MTHFD1L: variants seen among roughly 807,000 people sequenced by gnomAD.
MTHFD1L encodes the protein methylenetetrahydrofolate dehydrogenase (NADP+ dependent) 1 like, also known as monofunctional C1-tetrahydrofolate synthase, mitochondrial.
MTHFD1L carries 81 observed loss-of-function variants against 119.5 expected under a neutral mutation model. The ratio of observed to expected loss-of-function variants is 0.68; its 90% confidence interval spans 0.57 to 0.82. The LOEUF is 0.82. Ranked by LOEUF, MTHFD1L falls within the 40% of genes least tolerant of loss-of-function variation. The probability of loss-of-function intolerance (pLI) is 0.00; values close to 1 mark genes in which losing one functional copy is unlikely to be tolerated. For missense variants in MTHFD1L, 1,125 were observed against 1,253.4 expected (o/e 0.90, Z 1.55); for synonymous variants, 430 against 475.2 (o/e 0.90, Z 1.24).
chr6:151,071,701 C>T (rs953763241), intron 26 of MTHFD1L, among the ~76,000 whole-genome samples: 1 of 152,106 alleles, frequency 6.6e-6, no homozygotes, highest in East Asian at 1.9e-4. Context: ...CTAAAGAATC[C>T]TCTTTTTTTA....
In MTHFD1L at chr6:151,028,669, C is replaced by T. The variant is rs1784912086; in HGVS notation, c.2587-5824C>T. On this transcript the variant is annotated intron_variant, in intron 24 of 27. Coordinates refer to ENST00000367321, the MANE Select transcript of MTHFD1L (RefSeq NM_015440.5). Reference sequence around the variant, plus strand: ...CCAAGGGGAGGGGCATGGAAAGTTGCTGCTTAATGGGTACAGTTTCAGTTT... The same window carrying T: ...CCAAGGGGAGGGGCATGGAAAGTTGTTGCTTAATGGGTACAGTTTCAGTTT... Among the ~76,000 whole-genome samples, 3 of 152,138 alleles carry T rather than the reference C, an allele frequency of 2.0e-5. No individual in the cohort carries two copies. In the East Asian group the frequency reaches 5.8e-4, roughly 29 times the overall value.
At chr6:151,004,635 T>C (rs1326638613) in intron 20 of MTHFD1L, among the ~76,000 whole-genome samples, 1 of 152,236 alleles carries the variant, frequency 6.6e-6, no homozygotes, top group Non-Finnish European at 1.5e-5. Flanking sequence ...CTCTGTTTCC[T>C]GTACAGGTTG....
chr6:151,035,585 C>T (rs1043293102), intron 25 of MTHFD1L, among the ~76,000 whole-genome samples: 9 of 152,266 alleles, frequency 5.9e-5, no homozygotes, highest in Non-Finnish European at 1.2e-4. Context: ...CCAAGCACTG[C>T]TCTGTGCACA....
In MTHFD1L at chr6:150,977,902, C is replaced by CTT. The variant is rs11355188; in HGVS notation, c.2125+5859_2125+5860dup. On this transcript the variant is annotated intron_variant, in intron 20 of 27. Coordinates refer to ENST00000367321, the MANE Select transcript of MTHFD1L (RefSeq NM_015440.5). Reference sequence around the variant, plus strand: ...CATATGGAGACATATATATATACACCTTTTTTTTTTTTTTTTGAGATGGAG... The same window carrying CTT: ...CATATGGAGACATATATATATACACCTTTTTTTTTTTTTTTTTTGAGATGGAG... Among the ~76,000 whole-genome samples the CTT allele has an allele frequency of 1.4e-3, 196 of 141,148 alleles. 2 individuals carry two copies. The highest frequency in any genetic ancestry group is 4.8e-3 in the African/African-American group (183 of 38,430). 92.6% of individuals were successfully genotyped at this position (141,148 alleles called of 152,430 possible). A position where few individuals can be genotyped will look rare whatever the true frequency, so the allele number is the denominator to read the frequency against.
chr6:151,088,445 G>A (rs745462840), intron 26 of MTHFD1L: 5 of 151,860 alleles, frequency 3.3e-5, no homozygotes, highest in Non-Finnish European at 5.9e-5. Context: ...TTAATATTTC[G>A]GCTAGTTTTT....
intron 4 of MTHFD1L, among the ~76,000 whole-genome samples, chr6:150,879,414 A>G (rs938441052): frequency 2.0e-5 from 3 of 151,924 alleles, no homozygotes; most frequent in Non-Finnish European, 4.4e-5. Context: ...CAGCCTCCCA[A>G]GTAGCTGGGA....
intron 27 of MTHFD1L, among the ~76,000 whole-genome samples, chr6:151,097,293 C>A (rs1794963091): frequency 6.6e-6 from 1 of 152,134 alleles, no homozygotes; most frequent in African/African-American, 2.4e-5. Context: ...ATTGCTTTTT[C>A]TTGAATTACA....
At chr6:151,072,541 G>C (rs1490949758) in intron 26 of MTHFD1L, among the ~76,000 whole-genome samples, 1 of 151,890 alleles carries the variant, frequency 6.6e-6, no homozygotes, top group African/African-American at 2.4e-5. Context: ...TGGAATCCCA[G>C]TACTTTGGGA....
chr6:150,925,550 AATT>A (rs1789799723), intron 10 of MTHFD1L, among the ~76,000 whole-genome samples: 1 of 152,210 alleles, frequency 6.6e-6, no homozygotes. Flanking sequence ...ACAGTTATGT[AATT>A]AATAAAACAT....
chr6:150,976,767 G>A (rs1776640123), intron 20 of MTHFD1L, among the ~76,000 whole-genome samples: 1 of 152,196 alleles, frequency 6.6e-6, no homozygotes, highest in Non-Finnish European at 1.5e-5. Flanking sequence ...GATTAGCATT[G>A]AGAATATGTA....
chr6:151,064,450 A>T (rs1790998744), intron 26 of MTHFD1L, among the ~76,000 whole-genome samples: 1 of 151,850 alleles, frequency 6.6e-6, no homozygotes, highest in East Asian at 1.9e-4. Context: ...AGTATCTGGG[A>T]TTACAGGTGC....
intron 27 of MTHFD1L, among the ~76,000 whole-genome samples, chr6:151,101,065 G>A (rs376039883): frequency 3.9e-5 from 6 of 152,076 alleles, no homozygotes; most frequent in African/African-American, 7.2e-5. Flanking sequence ...AGGCTGTGGC[G>A]GGAGGATTGC....
At chr6:151,059,186 C>CTGGTGG (rs71014535) in intron 26 of MTHFD1L, among the ~76,000 whole-genome samples, 15 of 151,100 alleles carry the variant, frequency 9.9e-5, no homozygotes, top group African/African-American at 2.2e-4. Context: ...CAGTTCTAAA[C>CTGGTGG]TGGTGGTGGT....
At chr6:151,003,476 A>G (rs377523009) in intron 20 of MTHFD1L, among the ~76,000 whole-genome samples, 11 of 152,112 alleles carry the variant, frequency 7.2e-5, no homozygotes, top group East Asian at 3.9e-4. Context: ...AGGTTGCAGT[A>G]AGCCGAGATC....
Position 150,885,761 on chromosome 6 carries a change from T to G in MTHFD1L, c.643+27T>G, listed in dbSNP as rs1782141229. On this transcript the variant is annotated intron_variant, in intron 6 of 27. Transcript: ENST00000367321. ...TAGGATGCTCCTTGAGAAATGCCGC[T>G]GATTTCTATTTATTGGTATTTACAT... The G allele has an allele frequency of 2.0e-6, 3 of 1,513,384 alleles. No homozygotes were observed. The African/African-American group carries it at 4.1e-5, about 21-fold the overall frequency. The allele number at this position is 1,513,384 out of a possible 1,614,324, so 93.7% of individuals were successfully genotyped here.
At chr6:151,100,987 C>T (rs953216538) in intron 27 of MTHFD1L, among the ~76,000 whole-genome samples, 15 of 151,912 alleles carry the variant, frequency 9.9e-5, no homozygotes, top group Non-Finnish European at 1.3e-4. Context: ...GGTGAAACCT[C>T]GTCTTTACTA....
intron 8 of MTHFD1L, among the ~76,000 whole-genome samples, chr6:150,916,825 C>T (rs1788054925): frequency 1.6e-5 from 2 of 122,166 alleles, no homozygotes; most frequent in Admixed American, 1.1e-4. Flanking sequence ...AGCAATGGCA[C>T]GATCTCAGCT....
At chr6:150,914,880 C>G (rs9478852) in intron 8 of MTHFD1L, among the ~76,000 whole-genome samples, 14,199 of 152,188 alleles carry the variant, frequency 0.093, 944 homozygotes, top group African/African-American at 0.18. Context: ...AAATTCCTCT[C>G]CTGTGGTTAC....
chr6:151,048,861 T>C (rs1355619409), intron 26 of MTHFD1L, among the ~76,000 whole-genome samples: 8 of 152,210 alleles, frequency 5.3e-5, no homozygotes, highest in Admixed American at 1.3e-4. Context: ...TGGCTGGCTG[T>C]GTGGGGGCTT....
Sources: allele counts gnomAD v4.1 joint callset (sites outside exome capture counted in the v4.1 genomes callset), GRCh38; gene constraint gnomAD v4.1.1; transcripts MANE v1.5; gene names NCBI Gene and HGNC (gene_info 2026-07-23, HGNC 2026-07-21).